SMPD3: variants seen among roughly 807,000 people sequenced by gnomAD.
SMPD3 encodes sphingomyelin phosphodiesterase 3.
In SMPD3, 21 loss-of-function variants were observed where a neutral mutation model predicts 55.7. That is an observed-to-expected ratio of 0.38 (90% CI 0.27 to 0.54). SMPD3 has a LOEUF of 0.54. Among genes scored for constraint, SMPD3 ranks in the 20% least tolerant of loss-of-function variants. The pLI, the probability that SMPD3 is intolerant of heterozygous loss-of-function variation, is 0.80. For synonymous variants in SMPD3, 457 were observed against 404.3 expected, an observed-to-expected ratio of 1.13 and a Z score of -1.56; for missense variants, 842 against 899.6, an observed-to-expected ratio of 0.94 and a Z score of 0.82.
Position 68,360,963 on chromosome 16 carries a change from G to A in SMPD3, c.*243C>T, listed in dbSNP as rs764408499. 5.7e-5 allele frequency: 29 copies of A among 509,736 alleles called. No individual in the cohort carries two copies. Among genetic ancestry groups the A allele is most frequent in the Non-Finnish European group, 8.4e-5 (24 of 286,300 alleles). The allele number at this position is 509,736 out of a possible 1,614,324, so 31.6% of individuals were successfully genotyped here. A position where few individuals can be genotyped will look rare whatever the true frequency, so the allele number is the denominator to read the frequency against. On this transcript the variant is annotated 3_prime_UTR_variant, in exon 9 of 9. Transcript: ENST00000219334. ...TTGTGCTGTAGATTTGTAGAAAATC[G>A]TGTTGTGAAAGAATGGCACTGGTTA...
intron 1 of SMPD3, among the ~76,000 whole-genome samples, chr16:68,388,834 G>A (rs538611828): frequency 6.0e-4 from 91 of 152,144 alleles, no homozygotes; most frequent in African/African-American, 2.2e-3. Context: ...TTGATATTCT[G>A]AGCCAGGCCT....
intron 1 of SMPD3, among the ~76,000 whole-genome samples, chr16:68,387,853 C>A (rs1357717737): frequency 3.3e-5 from 5 of 152,230 alleles, no homozygotes; most frequent in African/African-American, 1.2e-4. Flanking sequence ...GCCAAGGCCC[C>A]GTCCATTCTC....
chr16:68,413,165 G>A (rs769104901), intron 1 of SMPD3, among the ~76,000 whole-genome samples: 1 of 152,230 alleles, frequency 6.6e-6, no homozygotes, highest in East Asian at 1.9e-4. Context: ...CCTGAGTTTC[G>A]GTGATGTTTT....
chr16:68,363,057 G>C (rs899221237), intron 7 of SMPD3, among the ~76,000 whole-genome samples: 1 of 152,150 alleles, frequency 6.6e-6, no homozygotes, highest in African/African-American at 2.4e-5. Context: ...CTTTGAAAAT[G>C]GTCGGCTGTG....
rs552916263 is a variant in SMPD3, at chr16:68,359,301, C to G, written c.*1905G>C. On this transcript the variant is annotated 3_prime_UTR_variant, in exon 9 of 9. Coordinates refer to ENST00000219334, the MANE Select transcript of SMPD3 (RefSeq NM_018667.4). ...TCCACATCATGAATCCCAGTCAAGG[C>G]TCACAGGCCAGCCCCTTGGAGGGGT... The G allele has an allele frequency of 2.0e-5, 3 of 152,688 alleles. No homozygotes were observed. In the East Asian group the frequency reaches 5.7e-4, roughly 29 times the overall value. The allele number at this position is 152,688 out of a possible 1,614,324, so 9.5% of individuals were successfully genotyped here. A position where few individuals can be genotyped will look rare whatever the true frequency, so the allele number is the denominator to read the frequency against.
At chr16:68,394,921 G>A (rs1266544486) in intron 1 of SMPD3, among the ~76,000 whole-genome samples, 6 of 152,146 alleles carry the variant, frequency 3.9e-5, no homozygotes, top group Non-Finnish European at 8.8e-5. Flanking sequence ...TTATGACTGA[G>A]GCTTGTCCTA....
rs2090027948 is a variant in SMPD3, at chr16:68,385,047, C to G, written c.-207+1551G>C. 2.0e-5 allele frequency among the ~76,000 whole-genome samples: 3 copies of G among 152,306 alleles called. No homozygotes were observed. In the South Asian group the frequency reaches 6.2e-4, roughly 32 times the overall value. On this transcript the variant is annotated intron_variant, in intron 2 of 8. Coordinates refer to ENST00000219334, the MANE Select transcript of SMPD3 (RefSeq NM_018667.4). ...ATGAGCATCAGAATTGCAGAAGTAA[C>G]AGCCGCCTCTTGGGGATATCAGAGA... is the stretch of plus-strand genomic sequence containing the variant.
Position 68,371,958 on chromosome 16 carries a change from A to G in SMPD3, c.224T>C (p.Leu75Pro). 1 of 1,612,344 alleles carries G rather than the reference A, an allele frequency of 6.2e-7. No homozygotes were observed. The highest frequency in any genetic ancestry group is 8.5e-7 in the Non-Finnish European group (1 of 1,179,662). ...PIYLALLVAS[L>P]PFAFLGFLFW... ...GAGAAAGCCGAGAAACGCAAAGGGCAGCGAGGCCACCAGGAGGGCCAGGTA... is the reference window on the plus strand; with the variant it reads ...GAGAAAGCCGAGAAACGCAAAGGGCGGCGAGGCCACCAGGAGGGCCAGGTA... The change falls in exon 3 of 9, where the codon CTG becomes CCG. Residue 75 changes from leucine to proline, a missense_variant. By Grantham distance (98) the Leu-to-Pro change is moderately conservative. This residue lies in a region of SMPD3 where 193 missense variants were observed against 256.0 expected (regional missense o/e 0.75). Coordinates refer to ENST00000219334, the MANE Select transcript of SMPD3 (RefSeq NM_018667.4).
chr16:68,365,241 T>C, intron 3 of SMPD3, 149 bp from the exon 4 acceptor site: 1 of 746,198 alleles, frequency 1.3e-6, no homozygotes. Flanking sequence ...GGACAGGATG[T>C]GTCCTGCTTC....
intron 1 of SMPD3, among the ~76,000 whole-genome samples, chr16:68,427,755 G>A (rs1025803320): frequency 6.6e-6 from 1 of 151,788 alleles, no homozygotes; most frequent in Non-Finnish European, 1.5e-5. Context: ...AAATGACTGG[G>A]GGGGGGTGCT....
At chr16:68,415,067 C>T (rs931582122) in intron 1 of SMPD3, among the ~76,000 whole-genome samples, 3 of 152,000 alleles carry the variant, frequency 2.0e-5, no homozygotes, top group South Asian at 2.1e-4. Flanking sequence ...AGGTGGCTGG[C>T]GGACATCCAG....
chr16:68,409,633 C>G (rs571717230), intron 1 of SMPD3, among the ~76,000 whole-genome samples: 10 of 152,210 alleles, frequency 6.6e-5, no homozygotes, highest in East Asian at 1.9e-4. Context: ...TCACTCTGTT[C>G]CCCAGGCTGG....
chr16:68,427,046 G>C (rs994654935), intron 1 of SMPD3, among the ~76,000 whole-genome samples: 7 of 148,812 alleles, frequency 4.7e-5, no homozygotes, highest in African/African-American at 1.8e-4. Flanking sequence ...ACCCAGGCTG[G>C]AGTGCAGTGG....
At chr16:68,438,930 A>G (rs928317394) in intron 1 of SMPD3, among the ~76,000 whole-genome samples, 2 of 152,308 alleles carry the variant, frequency 1.3e-5, no homozygotes, top group Admixed American at 6.5e-5. Context: ...GCGTGACCTT[A>G]AGCAAGTTAC....
chr16:68,371,346 G>A lies in SMPD3; in HGVS notation c.836C>T (p.Thr279Met), dbSNP rs200437842. Residue 279 changes from threonine to methionine, a missense_variant, in exon 3 of 9, where the codon ACG becomes ATG. Thr to Met is a moderately conservative substitution (Grantham distance 81). Coordinates refer to ENST00000219334, the MANE Select transcript of SMPD3 (RefSeq NM_018667.4). ...CCCGTCCTGCTGATTATGGTTGGGC[G>A]TCTGGCCCCTTGGGCCCCCGCCAGC... Reference protein sequence around the residue: ...NGAGGGPRGQTPNHNQQDGDS... With the variant: ...NGAGGGPRGQMPNHNQQDGDS... 123 of 1,584,238 alleles carry A rather than the reference G, an allele frequency of 7.8e-5. 1 individual carries two copies. The South Asian group carries it at 1.0e-3, about 13-fold the overall frequency.
chr16:68,363,390 G>C, intron 7 of SMPD3, 106 bp downstream of exon 7: 1 of 1,241,394 alleles, frequency 8.1e-7, no homozygotes, highest in Non-Finnish European at 1.2e-6. Flanking sequence ...CCAAATAAAA[G>C]CCCTCATGAG....
intron 1 of SMPD3, among the ~76,000 whole-genome samples, chr16:68,399,063 G>A (rs1033536324): frequency 5.3e-5 from 8 of 152,200 alleles, no homozygotes; most frequent in Non-Finnish European, 8.8e-5. Flanking sequence ...TGTAGTTGTT[G>A]GCTCTGAACA....
chr16:68,365,710 A>G (rs942864528), intron 3 of SMPD3, among the ~76,000 whole-genome samples: 1 of 152,096 alleles, frequency 6.6e-6, no homozygotes, highest in African/African-American at 2.4e-5. Context: ...TGGCCCCTGC[A>G]CACCCCTGGC....
chr16:68,365,539 C>T (rs1007036507), intron 3 of SMPD3, among the ~76,000 whole-genome samples: 6 of 152,126 alleles, frequency 3.9e-5, no homozygotes, highest in Admixed American at 2.0e-4. Context: ...TGCCCCTGTG[C>T]CATGGCGTGG....
Sources: gnomAD v4.1 joint callset for allele counts (sites outside exome capture counted in the v4.1 genomes callset) on GRCh38, gnomAD v4.1.1 for gene constraint, gnomAD v4.1.1 regional missense constraint, MANE v1.5 for transcripts, NCBI Gene and HGNC (gene_info 2026-07-23, HGNC 2026-07-21) for gene names.